Variants in ADGRL2 observed in about 807,000 individuals in gnomAD.
The protein encoded by ADGRL2 is adhesion G protein-coupled receptor L2.
A neutral mutation model predicts 157.4 loss-of-function variants in ADGRL2; 44 were observed. The ratio of observed to expected loss-of-function variants is 0.28; its 90% confidence interval spans 0.22 to 0.36. The LOEUF is 0.36. ADGRL2 is among the 10% of genes least tolerant of loss of function. The pLI is 1.00. For synonymous variants in ADGRL2, 585 were observed against 624.7 expected, an observed-to-expected ratio of 0.94 and a Z score of 0.95; for missense variants, 1,510 against 1,768.9, an observed-to-expected ratio of 0.85 and a Z score of 2.63.
At chr1:81,317,706 T>C (rs1660209022) in intron 1 of ADGRL2, among the ~76,000 whole-genome samples, 1 of 152,212 alleles carries the variant, frequency 6.6e-6, no homozygotes, top group Non-Finnish European at 1.5e-5. Context: ...TCATAGTTGC[T>C]GGACTGAAAA....
intron 1 of ADGRL2, among the ~76,000 whole-genome samples, chr1:81,401,798 G>A (rs998766088): frequency 6.6e-6 from 1 of 152,036 alleles, no homozygotes; most frequent in African/African-American, 2.4e-5. Flanking sequence ...CTGTTACGAG[G>A]ACTAAAACCC....
intron 2 of ADGRL2, among the ~76,000 whole-genome samples, chr1:81,490,104 A>G (rs1305445250): frequency 6.6e-6 from 1 of 151,880 alleles, no homozygotes; most frequent in African/African-American, 2.4e-5. Context: ...TTTGTTTTCT[A>G]CATGATTTGA....
intron 2 of ADGRL2, chr1:81,514,182 T>G (rs2079130572): frequency 6.6e-6 from 1 of 152,156 alleles, no homozygotes; most frequent in Admixed American, 6.6e-5. Flanking sequence ...GAGGCTTAGT[T>G]TGTATAGCAA....
At chr1:81,522,364 G>T (rs896429956) in intron 2 of ADGRL2, among the ~76,000 whole-genome samples, 2 of 152,164 alleles carry the variant, frequency 1.3e-5, no homozygotes, top group African/African-American at 4.8e-5. Context: ...AAAAAGAATT[G>T]CTGGTTGGTA....
intron 3 of ADGRL2, among the ~76,000 whole-genome samples, chr1:81,924,612 C>T (rs284222): frequency 0.78 from 117,985 of 151,826 alleles, 46,157 homozygotes; most frequent in East Asian, 0.94. Context: ...TAGTATATTG[C>T]ACCTATATTA....
Position 81,887,449 on chromosome 1 carries a change from A to G in ADGRL2, c.74-19568A>G, listed in dbSNP as rs1329141719. Among the ~76,000 whole-genome samples, 4 of 152,214 alleles carry G rather than the reference A, an allele frequency of 2.6e-5. 1 individual carries two copies. Among genetic ancestry groups the G allele is most frequent in the Non-Finnish European group, 2.9e-5 (2 of 68,032 alleles). On this transcript the variant is annotated intron_variant, in intron 2 of 23. Coordinates refer to ENST00000686636, the MANE Select transcript of ADGRL2 (RefSeq NM_001366006.2). ...GTTACAATCATCACTTATGAAAGAG[A>G]GCAAATATCAGAGCACAGTTTATAT... is the stretch of plus-strand genomic sequence containing the variant.
intron 2 of ADGRL2, among the ~76,000 whole-genome samples, chr1:81,880,791 C>T (rs554397848): frequency 6.6e-6 from 1 of 151,986 alleles, no homozygotes; most frequent in Non-Finnish European, 1.5e-5. Context: ...CATGTTTAGG[C>T]AAGCCCCCTG....
intron 1 of ADGRL2, among the ~76,000 whole-genome samples, chr1:81,384,913 TATTG>T (rs2076408484): frequency 6.6e-6 from 1 of 152,170 alleles, no homozygotes; most frequent in African/African-American, 2.4e-5. Context: ...TTACCTTCTC[TATTG>T]ATTGTTAATG....
At chr1:81,849,958 G>A (rs1354814326) in intron 2 of ADGRL2, among the ~76,000 whole-genome samples, 2 of 151,844 alleles carry the variant, frequency 1.3e-5, no homozygotes, top group Non-Finnish European at 2.9e-5. Context: ...GCTCATTTAT[G>A]GATTTGAAAT....
At chr1:81,953,923 T>A (rs548932360) in intron 10 of ADGRL2, among the ~76,000 whole-genome samples, 1 of 152,276 alleles carries the variant, frequency 6.6e-6, no homozygotes, top group South Asian at 2.1e-4. Context: ...ATGACTTCAC[T>A]AATTTTGGTT....
intron 1 of ADGRL2, chr1:81,426,478 A>G: frequency 2.5e-6 from 1 of 394,570 alleles, no homozygotes; most frequent in Admixed American, 3.1e-5. Flanking sequence ...ACTGATGCCC[A>G]GTGGCCCCAA....
chr1:81,512,302 G>A (rs1016418781), intron 2 of ADGRL2, among the ~76,000 whole-genome samples: 10 of 152,140 alleles, frequency 6.6e-5, no homozygotes, highest in East Asian at 1.9e-4. Flanking sequence ...TATTGGTGAA[G>A]GGAATTAAAA....
intron 1 of ADGRL2, among the ~76,000 whole-genome samples, chr1:81,341,673 C>T (rs1172605001): frequency 2.0e-5 from 3 of 151,824 alleles, no homozygotes; most frequent in African/African-American, 7.3e-5. Context: ...TAACGTTACT[C>T]TCATGTGACC....
rs575213405 is a variant in ADGRL2 at position 81,669,940 on chromosome 1, C to T, written c.-143+88960C>T. Among the ~76,000 whole-genome samples, 65 of 97,076 alleles carry T rather than the reference C, an allele frequency of 6.7e-4. 1 individual carries two copies. The South Asian group carries it at 0.019, about 28-fold the overall frequency. 63.7% of individuals were successfully genotyped at this position (97,076 alleles called of 152,430 possible). A position where few individuals can be genotyped will look rare whatever the true frequency, so the allele number is the denominator to read the frequency against. ...CCTGGGTGACAGAGTGAGACTACGT[C>T]TCAAAAAAAAAAAAAAAAAAAGAGG... On this transcript the variant is annotated intron_variant, in intron 3 of 24. Transcript: ENST00000370721.
intron 2 of ADGRL2, among the ~76,000 whole-genome samples, chr1:81,519,103 G>A (rs954560078): frequency 6.6e-6 from 1 of 152,112 alleles, no homozygotes; most frequent in Non-Finnish European, 1.5e-5. Context: ...TATGTCCAAG[G>A]TCACATGGAT....
intron 3 of ADGRL2, among the ~76,000 whole-genome samples, chr1:81,933,393 G>T (rs2095263620): frequency 6.6e-6 from 1 of 152,078 alleles, no homozygotes. Context: ...ACCTTTATTG[G>T]TAAAGAAATC....
At chr1:81,436,052 G>A (rs962330580) in intron 1 of ADGRL2, among the ~76,000 whole-genome samples, 8 of 152,138 alleles carry the variant, frequency 5.3e-5, no homozygotes, top group East Asian at 1.9e-4. Flanking sequence ...CCGAGATCAC[G>A]CCATTGCACT....
intron 3 of ADGRL2, among the ~76,000 whole-genome samples, chr1:81,933,036 A>G (rs2095257468): frequency 6.6e-6 from 1 of 152,102 alleles, no homozygotes; most frequent in Admixed American, 6.5e-5. Context: ...TTCAGCTGAT[A>G]GTGGTGCTGT....
chr1:81,336,952 C>T (rs972045673), intron 1 of ADGRL2, among the ~76,000 whole-genome samples: 7 of 151,726 alleles, frequency 4.6e-5, no homozygotes, highest in Middle Eastern at 3.2e-3. Flanking sequence ...GAAGAAGGAG[C>T]TTGACATCAG....
Sources: allele counts gnomAD v4.1 joint callset (sites outside exome capture counted in the v4.1 genomes callset), GRCh38; gene constraint gnomAD v4.1.1; transcripts MANE v1.5; gene names NCBI Gene and HGNC (gene_info 2026-07-23, HGNC 2026-07-21).